The following PCDHA12 variants were observed in gnomAD, a reference collection of about 807,000 sequenced individuals.
PCDHA12 encodes protocadherin alpha-12.
In PCDHA12, 44 loss-of-function variants were observed where a neutral mutation model predicts 60.0. That is an observed-to-expected ratio of 0.73 (90% CI 0.58 to 0.94). PCDHA12 has a LOEUF of 0.94. Ranked by LOEUF, PCDHA12 falls within the 40% of genes least tolerant of loss-of-function variation. The probability of loss-of-function intolerance (pLI) is 0.00; values close to 1 mark genes in which losing one functional copy is unlikely to be tolerated. For synonymous variants in PCDHA12, 569 were observed against 553.0 expected, an observed-to-expected ratio of 1.03 and a Z score of -0.40; for missense variants, 1,276 against 1,239.7, an observed-to-expected ratio of 1.03 and a Z score of -0.44.
intron 1 of PCDHA12, among the ~76,000 whole-genome samples, chr5:140,889,692 T>C (rs1237047126): frequency 1.3e-5 from 2 of 152,202 alleles, no homozygotes; most frequent in Non-Finnish European, 1.5e-5. Context: ...TTTAGTATTA[T>C]GGGCATATTC....
rs550197512 is a variant in PCDHA12, at chr5:140,883,885, C to G, written c.2367+6046C>G. On this transcript the variant is annotated intron_variant, in intron 1 of 3. Coordinates refer to ENST00000398631, the MANE Select transcript of PCDHA12 (RefSeq NM_018903.4). ...TGCAGTTCCAGGTGAGCGCGCGCGA[C>G]TCTGGCGTGCCGCCTCTGGGCAGCA... The G allele has an allele frequency of 6.1e-5, 99 of 1,613,382 alleles. No homozygotes were observed. Among genetic ancestry groups the G allele is most frequent in the East Asian group, 1.6e-4 (7 of 44,866 alleles).
intron 1 of PCDHA12, among the ~76,000 whole-genome samples, chr5:140,901,445 C>T (rs1207516323): frequency 6.6e-6 from 1 of 152,074 alleles, no homozygotes; most frequent in Admixed American, 6.6e-5. Context: ...ATCTAGTTTC[C>T]CAGCACAGAC....
intron 1 of PCDHA12, among the ~76,000 whole-genome samples, chr5:140,935,636 G>A (rs1554210607): frequency 6.6e-6 from 1 of 152,052 alleles, no homozygotes; most frequent in African/African-American, 2.4e-5. Context: ...TTTAGGGCTT[G>A]CTTTTTAAAT....
At chr5:140,919,175 T>C (rs1282672890) in intron 1 of PCDHA12, among the ~76,000 whole-genome samples, 1 of 152,248 alleles carries the variant, frequency 6.6e-6, no homozygotes, top group Non-Finnish European at 1.5e-5. Context: ...AGTTGCTATA[T>C]CTTCCTGATT....
intron 1 of PCDHA12, among the ~76,000 whole-genome samples, chr5:140,955,017 T>G (rs1157818120): frequency 6.6e-6 from 1 of 152,186 alleles, no homozygotes. Context: ...CCAGCACCAT[T>G]TATTAAATAG....
At chr5:140,926,707 C>A in intron 1 of PCDHA12, 5 of 886,092 alleles carry the variant, frequency 5.6e-6, no homozygotes, top group Non-Finnish European at 7.9e-6. Context: ...TCCCAGCTGG[C>A]CAGCCCCGGC....
intron 1 of PCDHA12, chr5:140,883,148 A>G (rs1554176918): frequency 5.0e-6 from 8 of 1,614,078 alleles, no homozygotes; most frequent in Non-Finnish European, 6.8e-6. Context: ...ATATGCATTT[A>G]CCATAAATCC....
At chr5:140,954,221 T>C (rs1237648662) in intron 1 of PCDHA12, among the ~76,000 whole-genome samples, 2 of 152,252 alleles carry the variant, frequency 1.3e-5, no homozygotes, top group African/African-American at 4.8e-5. Flanking sequence ...TTTTTGCTAT[T>C]GTGAATAGTG....
rs2098417470 is a variant in PCDHA12, at chr5:141,010,504, A to G, written c.*567A>G. On this transcript the variant is annotated 3_prime_UTR_variant, in exon 4 of 4. Coordinates refer to ENST00000398631, the MANE Select transcript of PCDHA12 (RefSeq NM_018903.4). ...AACTTAAAGGGACCAGACTTTCTAA[A>G]TCTTACAACTCAAGAGGTGGCAGCC... 3.6e-6 allele frequency: 2 copies of G among 549,616 alleles called. No homozygotes were observed. The allele number at this position is 549,616 out of a possible 1,614,324, so 34.0% of individuals were successfully genotyped here.
At chr5:140,941,222 T>TCTTC (rs2092907237) in intron 1 of PCDHA12, among the ~76,000 whole-genome samples, 2 of 116,858 alleles carry the variant, frequency 1.7e-5, no homozygotes, top group Non-Finnish European at 3.8e-5. Flanking sequence ...TTCCTTTCTT[T>TCTTC]CTTTCTTTCT....
rs141467715 is a variant in PCDHA12 at position 140,882,439 on chromosome 5, G to A, written c.2367+4600G>A. 19 of 1,613,928 alleles carry A rather than the reference G, an allele frequency of 1.2e-5. No individual in the cohort carries two copies. The African/African-American group carries it at 1.5e-4, about 12-fold the overall frequency. ...CTCAGGACCTGGGGCTGGAGCTGGC[G>A]GAGCTGGTGCCGCGCCTGTTCCGGG... is the stretch of plus-strand genomic sequence containing the variant. On this transcript the variant is annotated intron_variant, in intron 1 of 3. Transcript: ENST00000398631.
chr5:141,000,651 C>G (rs1325110453), intron 3 of PCDHA12, among the ~76,000 whole-genome samples: 2 of 151,708 alleles, frequency 1.3e-5, no homozygotes, highest in African/African-American at 4.8e-5. Flanking sequence ...TGGTCTCGAA[C>G]TCCTGACCTC....
At chr5:140,945,243 A>G (rs1554216829) in intron 1 of PCDHA12, among the ~76,000 whole-genome samples, 1 of 152,166 alleles carries the variant, frequency 6.6e-6, no homozygotes, top group Admixed American at 6.5e-5. Flanking sequence ...AATTTAACCA[A>G]GAGGATGAAA....
At chr5:140,907,706 A>G (rs1171479205) in intron 1 of PCDHA12, among the ~76,000 whole-genome samples, 1 of 152,172 alleles carries the variant, frequency 6.6e-6, no homozygotes, top group Non-Finnish European at 1.5e-5. Flanking sequence ...CCTGTTGCTG[A>G]GCCCATGTGT....
At chr5:140,883,682 T>G (rs2059750474) in intron 1 of PCDHA12, 1 of 1,613,604 alleles carries the variant, frequency 6.2e-7, no homozygotes. Context: ...TCCGCCGGGC[T>G]GCCACATCTT....
intron 1 of PCDHA12, among the ~76,000 whole-genome samples, chr5:140,908,003 C>G (rs1325602233): frequency 1.3e-5 from 2 of 152,164 alleles, no homozygotes; most frequent in Non-Finnish European, 2.9e-5. Context: ...ACCATCCAGC[C>G]AAACCACTGG....
At chr5:140,997,476 A>G (rs782742177) in intron 3 of PCDHA12, among the ~76,000 whole-genome samples, 1 of 152,196 alleles carries the variant, frequency 6.6e-6, no homozygotes, top group Admixed American at 6.5e-5. Flanking sequence ...TTTTTACACA[A>G]TGATAAGTAT....
At chr5:140,994,759 G>C (rs1193190612) in intron 3 of PCDHA12, among the ~76,000 whole-genome samples, 3 of 152,130 alleles carry the variant, frequency 2.0e-5, no homozygotes, top group African/African-American at 7.2e-5. Flanking sequence ...ATGTGGAGAG[G>C]AAGAGAATTC....
At chr5:140,890,576 A>T (rs1554184435) in intron 1 of PCDHA12, among the ~76,000 whole-genome samples, 2 of 151,634 alleles carry the variant, frequency 1.3e-5, no homozygotes, top group African/African-American at 4.8e-5. Flanking sequence ...TTCCTTCTGT[A>T]TTATTTGGAA....
Sources: allele counts gnomAD v4.1 joint callset (sites outside exome capture counted in the v4.1 genomes callset), GRCh38; gene constraint gnomAD v4.1.1; transcripts MANE v1.5; gene names NCBI Gene and HGNC (gene_info 2026-07-23, HGNC 2026-07-21).